SIK3: variants seen among roughly 807,000 people sequenced by gnomAD.
SIK3 encodes the protein SIK family kinase 3.
In SIK3, 28 loss-of-function variants were observed where a neutral mutation model predicts 144.2. The observed-to-expected ratio is 0.19, with a 90% CI of 0.14 to 0.27. SIK3 has a LOEUF of 0.27. Among genes scored for constraint, SIK3 ranks in the 10% least tolerant of loss-of-function variants. The probability of loss-of-function intolerance (pLI) is 1.00; values close to 1 mark genes in which losing one functional copy is unlikely to be tolerated. For missense variants in SIK3, 1,319 were observed against 1,776.0 expected (o/e 0.74, Z 4.62); for synonymous variants, 686 against 676.3 (o/e 1.01, Z -0.22).
At chr11:117,008,900 A>C (rs1951150111) in intron 1 of SIK3, among the ~76,000 whole-genome samples, 1 of 152,162 alleles carries the variant, frequency 6.6e-6, no homozygotes, top group African/African-American at 2.4e-5. Flanking sequence ...AATTAGACTA[A>C]TTAAAATAGG....
intron 3 of SIK3, among the ~76,000 whole-genome samples, chr11:116,941,976 T>A (rs201518844): frequency 7.2e-5 from 11 of 152,224 alleles, no homozygotes; most frequent in Middle Eastern, 3.2e-3. Context: ...TAAGGCTGAA[T>A]AGTATGCAAA....
chr11:117,006,798 T>C (rs1249562096), intron 1 of SIK3, among the ~76,000 whole-genome samples: 2 of 152,220 alleles, frequency 1.3e-5, no homozygotes, highest in Admixed American at 6.5e-5. Context: ...AAATGCACAC[T>C]GGCCATGCTG....
At chr11:117,087,397 C>T (rs1348825386) in intron 1 of SIK3, among the ~76,000 whole-genome samples, 1 of 151,910 alleles carries the variant, frequency 6.6e-6, no homozygotes, top group Non-Finnish European at 1.5e-5. Context: ...GAGCCGAGAT[C>T]GCACCATTGC....
chr11:117,074,094 C>T (rs550417501), intron 1 of SIK3, among the ~76,000 whole-genome samples: 30 of 152,290 alleles, frequency 2.0e-4, no homozygotes, highest in African/African-American at 7.2e-4. Context: ...CTAGGGAGCT[C>T]TGACAGTCCC....
At chr11:117,090,723 T>C (rs971263365) in intron 1 of SIK3, among the ~76,000 whole-genome samples, 1 of 152,236 alleles carries the variant, frequency 6.6e-6, no homozygotes, top group Non-Finnish European at 1.5e-5. Flanking sequence ...CATATCTCAG[T>C]CATGCCAAGG....
chr11:116,881,431 G>A (rs1944542034), intron 6 of SIK3, among the ~76,000 whole-genome samples: 1 of 152,210 alleles, frequency 6.6e-6, no homozygotes, highest in Non-Finnish European at 1.5e-5. Context: ...TGCGCTGCCA[G>A]GCATTTGGAT....
chr11:116,956,250 C>T (rs534111142), intron 2 of SIK3, among the ~76,000 whole-genome samples: 30 of 152,132 alleles, frequency 2.0e-4, no homozygotes, highest in African/African-American at 6.5e-4. Flanking sequence ...GCTTGAAATT[C>T]CAGCCATCAG....
chr11:116,998,470 TAAAAA>T (rs59998385), intron 1 of SIK3, among the ~76,000 whole-genome samples: 21 of 136,394 alleles, frequency 1.5e-4, no homozygotes, highest in African/African-American at 1.9e-4. Context: ...GACTCCGTCT[TAAAAA>T]AAAAAAAAAA....
At chr11:117,092,775 A>G (rs930635605) in intron 1 of SIK3, among the ~76,000 whole-genome samples, 2 of 152,166 alleles carry the variant, frequency 1.3e-5, no homozygotes, top group Non-Finnish European at 2.9e-5. Flanking sequence ...TTTTCTTTTC[A>G]AAGCATCCAT....
chr11:116,928,090 G>C (rs2135139003), intron 3 of SIK3, among the ~76,000 whole-genome samples: 1 of 152,226 alleles, frequency 6.6e-6, no homozygotes, highest in South Asian at 2.1e-4. Context: ...TCATTTCATT[G>C]GCCATGTTGT....
intron 1 of SIK3, among the ~76,000 whole-genome samples, chr11:116,979,195 G>A (rs896646954): frequency 6.6e-6 from 1 of 152,154 alleles, no homozygotes; most frequent in Non-Finnish European, 1.5e-5. Context: ...GTGGGGGAAA[G>A]GAGACGAGCA....
chr11:116,847,365 T>C, intron 23 of SIK3, 111 bp downstream of exon 23: 1 of 1,439,382 alleles, frequency 6.9e-7, no homozygotes, highest in Admixed American at 1.8e-5. Context: ...TGGGATGCTG[T>C]GGCTCTACCT....
At chr11:117,038,952 A>T (rs1952628713) in intron 1 of SIK3, among the ~76,000 whole-genome samples, 1 of 151,942 alleles carries the variant, frequency 6.6e-6, no homozygotes, top group African/African-American at 2.4e-5. Flanking sequence ...CGGGAGGCTG[A>T]GGCAGGAGAA....
chr11:116,863,848 C>T, intron 15 of SIK3, 30 bp from the exon 16 acceptor site: 2 of 1,560,660 alleles, frequency 1.3e-6, no homozygotes, highest in South Asian at 2.4e-5. Flanking sequence ...AGGTTAGAGG[C>T]TAGGACTCAG....
intron 1 of SIK3, among the ~76,000 whole-genome samples, chr11:117,050,726 A>G (rs989273205): frequency 1.3e-5 from 2 of 152,194 alleles, no homozygotes; most frequent in African/African-American, 4.8e-5. Context: ...ACAGATAAAT[A>G]AATAAATAGT....
At chr11:116,868,324 A>C (rs542935927) in intron 14 of SIK3, among the ~76,000 whole-genome samples, 11 of 152,370 alleles carry the variant, frequency 7.2e-5, no homozygotes, top group Middle Eastern at 6.8e-3. Context: ...ATTGAAGAGA[A>C]GAGAGAAAGT....
chr11:117,070,022 G>C (rs1156483426), intron 1 of SIK3, among the ~76,000 whole-genome samples: 1 of 152,082 alleles, frequency 6.6e-6, no homozygotes, highest in Non-Finnish European at 1.5e-5. Flanking sequence ...ATAGTGATAG[G>C]GCATTTAAGC....
At position 116,852,005 on chromosome 11, in the gene SIK3, G is replaced by A. The variant is rs559157163; in HGVS notation, c.3656-2722C>T. 2.0e-5 allele frequency among the ~76,000 whole-genome samples: 3 copies of A among 152,290 alleles called. No individual in the cohort carries two copies. The East Asian group carries it at 5.8e-4, about 29-fold the overall frequency. Reference sequence around the variant, plus strand: ...TTTTTCCTTTAAGCCTGATTATATAGTTGGATGCAAATCTCATCAGTTGCA... The same window carrying A: ...TTTTTCCTTTAAGCCTGATTATATAATTGGATGCAAATCTCATCAGTTGCA... On this transcript the variant is annotated intron_variant, in intron 21 of 24. Transcript: ENST00000445177.
At chr11:117,056,347 G>A (rs2135934942) in intron 1 of SIK3, among the ~76,000 whole-genome samples, 1 of 152,130 alleles carries the variant, frequency 6.6e-6, no homozygotes, top group East Asian at 1.9e-4. Context: ...GACACAGGAA[G>A]GGGAACATCA....
Sources: allele counts gnomAD v4.1 joint callset (sites outside exome capture counted in the v4.1 genomes callset), GRCh38; gene constraint gnomAD v4.1.1; transcripts MANE v1.5; gene names NCBI Gene and HGNC (gene_info 2026-07-23, HGNC 2026-07-21).